Variants in ADAM12 observed in about 807,000 individuals in gnomAD.
ADAM12 encodes the protein disintegrin and metalloproteinase domain-containing protein 12.
In ADAM12, 70 loss-of-function variants were observed where a neutral mutation model predicts 106.4. That is an observed-to-expected ratio of 0.66 (90% CI 0.54 to 0.80). The LOEUF is 0.80. Ranked by LOEUF, ADAM12 falls within the 30% of genes least tolerant of loss-of-function variation. ADAM12 has a pLI of 0.00. For synonymous variants in ADAM12, 420 were observed against 433.5 expected (o/e 0.97, Z 0.39); for missense variants, 1,010 against 1,171.9 (o/e 0.86, Z 2.02).
intron 3 of ADAM12, among the ~76,000 whole-genome samples, chr10:126,163,853 A>G (rs1674928): frequency 0.94 from 142,986 of 152,326 alleles, 67,181 homozygotes; most frequent in Middle Eastern, 0.98. Flanking sequence ...GAAGTGCTTC[A>G]TAAATAAACG....
At chr10:126,137,679 G>T (rs1182248498) in intron 4 of ADAM12, among the ~76,000 whole-genome samples, 2 of 152,178 alleles carry the variant, frequency 1.3e-5, no homozygotes, top group Admixed American at 1.3e-4. Flanking sequence ...TAAGCATGGT[G>T]TTCTCAAGTT....
chr10:126,047,699 T>C (rs1215998147), intron 16 of ADAM12, among the ~76,000 whole-genome samples: 2 of 152,130 alleles, frequency 1.3e-5, no homozygotes. Context: ...GCTGGTGGAG[T>C]GTAAATTAGT....
chr10:126,327,818 T>A (rs1854358174), intron 2 of ADAM12, among the ~76,000 whole-genome samples: 1 of 152,190 alleles, frequency 6.6e-6, no homozygotes, highest in Admixed American at 6.5e-5. Context: ...TATGTCGCTA[T>A]CTCAGGGTGA....
intron 18 of ADAM12, chr10:126,041,799 T>C (rs897066275): frequency 3.5e-6 from 4 of 1,135,552 alleles, no homozygotes; most frequent in Non-Finnish European, 4.3e-6. Context: ...GGAGGCTCAG[T>C]GAAAGGCCAG....
chr10:126,222,370 G>C (rs1394496961), intron 3 of ADAM12, among the ~76,000 whole-genome samples: 1 of 151,850 alleles, frequency 6.6e-6, no homozygotes, highest in African/African-American at 2.4e-5. Context: ...GTGTATCTTT[G>C]GGAAAATCTG....
Position 126,214,651 on chromosome 10 carries a change from T to A in ADAM12, c.261-59346A>T, listed in dbSNP as rs184771726. On this transcript the variant is annotated intron_variant, in intron 3 of 22. Coordinates refer to ENST00000448723, the MANE Select transcript of ADAM12 (RefSeq NM_001288973.2). ...TGCAGTGATTGAGTTTCTGTGTGCA[T>A]TTGTTTCATGGGAAAAAGCACCAAA... Among the ~76,000 whole-genome samples the A allele has an allele frequency of 4.0e-3, 616 of 152,316 alleles. 6 individuals carry two copies. The highest frequency in any genetic ancestry group is 0.014 in the African/African-American group (586 of 41,572).
At chr10:126,299,946 A>G (rs1960548621) in intron 2 of ADAM12, among the ~76,000 whole-genome samples, 1 of 151,888 alleles carries the variant, frequency 6.6e-6, no homozygotes, top group Non-Finnish European at 1.5e-5. Context: ...GCCCAGCCCC[A>G]CTCAACTTTT....
intron 14 of ADAM12, among the ~76,000 whole-genome samples, chr10:126,060,503 C>T (rs1369054327): frequency 6.6e-6 from 1 of 152,132 alleles, no homozygotes; most frequent in African/African-American, 2.4e-5. Flanking sequence ...CCTACATTTC[C>T]CAGGAGGCCT....
At chr10:126,251,587 G>C (rs538038315) in intron 3 of ADAM12, among the ~76,000 whole-genome samples, 1 of 152,118 alleles carries the variant, frequency 6.6e-6, no homozygotes, top group Non-Finnish European at 1.5e-5. Context: ...TGGATGAACG[G>C]ACAGGATGGA....
At chr10:126,359,286 C>A (rs918347576) in intron 1 of ADAM12, among the ~76,000 whole-genome samples, 4 of 152,128 alleles carry the variant, frequency 2.6e-5, no homozygotes, top group Non-Finnish European at 4.4e-5. Flanking sequence ...ATTTCAAAAC[C>A]AATCATGCCT....
chr10:126,022,223 A>T (rs976787374), intron 21 of ADAM12, among the ~76,000 whole-genome samples: 2 of 152,156 alleles, frequency 1.3e-5, no homozygotes, highest in African/African-American at 4.8e-5. Context: ...TTAATTATTA[A>T]TCACACTCTC....
chr10:126,151,633 T>C (rs1468510640), intron 4 of ADAM12, among the ~76,000 whole-genome samples: 1 of 152,062 alleles, frequency 6.6e-6, no homozygotes, highest in East Asian at 1.9e-4. Flanking sequence ...AATTATTCTT[T>C]TTTTCTCAGG....
At chr10:126,123,558 AC>A (rs905491124) in intron 5 of ADAM12, among the ~76,000 whole-genome samples, 11 of 151,776 alleles carry the variant, frequency 7.2e-5, no homozygotes, top group African/African-American at 2.7e-4. Flanking sequence ...GGTCAGGGTC[AC>A]CCCCCTGTGG....
intron 3 of ADAM12, among the ~76,000 whole-genome samples, chr10:126,255,252 A>C (rs1162395150): frequency 6.6e-6 from 1 of 152,132 alleles, no homozygotes; most frequent in East Asian, 1.9e-4. Context: ...GCTACACTCA[A>C]TGAAAGTTTG....
chr10:126,139,445 C>T (rs1590482422), intron 4 of ADAM12, among the ~76,000 whole-genome samples: 2 of 152,192 alleles, frequency 1.3e-5, no homozygotes, highest in East Asian at 3.9e-4. Context: ...ACTTTTGCCA[C>T]ACCATCTTAT....
Position 126,038,203 on chromosome 10 carries a change from A to G in ADAM12, c.2349+38T>C, listed in dbSNP as rs368989392. The stretch of plus-strand genomic sequence containing the variant: ...CTCGTATTGAAAACCTCATGTCTGC[A>G]TGTGTGCCCTGAGCACTCACATCTA... On this transcript the variant is annotated intron_variant, in intron 20 of 22. Transcript: ENST00000448723. 61 of 1,529,940 alleles carry G rather than the reference A, an allele frequency of 4.0e-5. 1 individual carries two copies. The African/African-American group carries it at 7.2e-4, about 18-fold the overall frequency. 94.8% of individuals were successfully genotyped at this position (1,529,940 alleles called of 1,614,324 possible).
At chr10:126,243,614 G>T (rs145192640) in intron 3 of ADAM12, among the ~76,000 whole-genome samples, 68 of 152,224 alleles carry the variant, frequency 4.5e-4, no homozygotes, top group African/African-American at 1.5e-3. Context: ...CACTTTCAGG[G>T]TGAATACATT....
chr10:126,164,329 A>C (rs1045542196), intron 3 of ADAM12, among the ~76,000 whole-genome samples: 1 of 152,226 alleles, frequency 6.6e-6, no homozygotes, highest in Non-Finnish European at 1.5e-5. Context: ...TTGCAATTAA[A>C]TCATGCCAGG....
In ADAM12 at chr10:126,143,143, T is replaced by C. The variant is rs543217017; in HGVS notation, c.340-7483A>G. Among the ~76,000 whole-genome samples, 437 of 150,442 alleles carry C rather than the reference T, an allele frequency of 2.9e-3. 3 individuals carry two copies. The highest frequency in any genetic ancestry group is 9.8e-3 in the African/African-American group (399 of 40,656). On this transcript the variant is annotated intron_variant, in intron 4 of 22. Transcript: ENST00000448723. ...ATATGCATGTGTATATCAGTGTGCA[T>C]GTGTATATATGCACGTGTATATATA... is the stretch of plus-strand genomic sequence containing the variant.
Sources: gnomAD v4.1 joint callset for allele counts (sites outside exome capture counted in the v4.1 genomes callset) on GRCh38, gnomAD v4.1.1 for gene constraint, MANE v1.5 for transcripts, NCBI Gene and HGNC (gene_info 2026-07-23, HGNC 2026-07-21) for gene names.